SI: variants seen among roughly 807,000 people sequenced by gnomAD.
The protein encoded by SI is sucrase-isomaltase, intestinal.
SI carries 235 observed loss-of-function variants against 253.3 expected under a neutral mutation model. The observed-to-expected ratio is 0.93, with a 90% confidence interval of 0.83 to 1.03. The LOEUF is 1.03. Ranked by LOEUF, SI falls within the 50% of genes least tolerant of loss-of-function variation. The pLI, the probability that SI is intolerant of heterozygous loss-of-function variation, is 0.00. For synonymous variants in SI, 819 were observed against 712.0 expected (o/e 1.15, Z -2.39); for missense variants, 2,442 against 2,211.1 (o/e 1.10, Z -2.09).
At chr3:165,068,499 G>T (rs1283027488) in intron 5 of SI, among the ~76,000 whole-genome samples, 3 of 151,994 alleles carry the variant, frequency 2.0e-5, no homozygotes, top group African/African-American at 7.3e-5. Context: ...TCAGCCTCCC[G>T]AGTAGCTGGG....
At chr3:165,053,365 A>G (rs1713528072) in intron 13 of SI, among the ~76,000 whole-genome samples, 2 of 152,160 alleles carry the variant, frequency 1.3e-5, no homozygotes, top group Non-Finnish European at 2.9e-5. Flanking sequence ...AAATATTAAA[A>G]CTTTATCAGT....
intron 13 of SI, among the ~76,000 whole-genome samples, chr3:165,054,095 A>G (rs1448048008): frequency 6.6e-6 from 1 of 152,150 alleles, no homozygotes; most frequent in Non-Finnish European, 1.5e-5. Flanking sequence ...CATGTCTGAT[A>G]GATACATGGT....
chr3:165,023,571 T>A lies in SI; in HGVS notation c.3098A>T (p.Lys1033Met). 1 of 1,608,024 alleles carries A rather than the reference T, an allele frequency of 6.2e-7. No homozygotes were observed. Among genetic ancestry groups the A allele is most frequent in the Non-Finnish European group, 8.5e-7 (1 of 1,175,428 alleles). ...KYHKNDMLQF[K>M]IYDPQKKRYE... Reference sequence around the variant, plus strand: ...TGGGGTAGTTTATATCAAGCATACCTTAAACTGCAACATATCATTTTTGTG... The same window carrying A: ...TGGGGTAGTTTATATCAAGCATACCATAAACTGCAACATATCATTTTTGTG... Residue 1033 changes from lysine to methionine, a missense_variant and splice_region_variant, in exon 26 of 48, where the codon AAG becomes ATG. Transcript: ENST00000264382.
At chr3:165,063,599 T>C in intron 7 of SI, 58 bp from the exon 8 acceptor site, 1 of 743,396 alleles carries the variant, frequency 1.3e-6, no homozygotes, top group South Asian at 1.6e-5. Context: ...ACAAAAAGAT[T>C]ATATATTTTA....
chr3:165,060,948 A>G (rs1713956095), intron 9 of SI, among the ~76,000 whole-genome samples: 2 of 150,082 alleles, frequency 1.3e-5, no homozygotes, highest in Non-Finnish European at 3.0e-5. Context: ...AAAGAAATTA[A>G]TTACTCATGT....
chr3:164,984,150 G>A (rs1015505561), intron 45 of SI, among the ~76,000 whole-genome samples: 4 of 152,044 alleles, frequency 2.6e-5, no homozygotes, highest in Non-Finnish European at 5.9e-5. Context: ...TTCTAAGATT[G>A]TGTTTTTATG....
intron 13 of SI, among the ~76,000 whole-genome samples, chr3:165,052,318 C>T (rs1713473245): frequency 6.6e-6 from 1 of 152,064 alleles, no homozygotes; most frequent in Admixed American, 6.6e-5. Flanking sequence ...ACATTGTAGT[C>T]ATGAGGCAAA....
chr3:164,983,290 A>G (rs752070241), intron 45 of SI, among the ~76,000 whole-genome samples: 5 of 152,150 alleles, frequency 3.3e-5, no homozygotes, highest in Admixed American at 6.6e-5. Flanking sequence ...ATGTGTGTGT[A>G]GGGGTAATGA....
intron 36 of SI, 82 bp downstream of exon 36, chr3:165,007,829 G>T: frequency 2.0e-6 from 1 of 489,634 alleles, no homozygotes; most frequent in Non-Finnish European, 3.7e-6. Flanking sequence ...ATAGCTAACT[G>T]ATATATATCA....
chr3:165,020,890 TA>T (rs1341314845), intron 27 of SI, among the ~76,000 whole-genome samples: 1 of 151,696 alleles, frequency 6.6e-6, no homozygotes, highest in Non-Finnish European at 1.5e-5. Context: ...ATAAAATATT[TA>T]CTTCACTTGT....
chr3:165,019,502 G>T (rs1559992140), intron 28 of SI, 100 bp downstream of exon 28: 1 of 1,111,426 alleles, frequency 9.0e-7, no homozygotes, highest in Non-Finnish European at 1.4e-6. Context: ...TAATGCCTTT[G>T]TCATTACTTC....
chr3:165,011,185 A>T (rs1718752484), intron 34 of SI, among the ~76,000 whole-genome samples: 1 of 151,322 alleles, frequency 6.6e-6, no homozygotes. Context: ...TTTCTAATTC[A>T]TTGAGAGGTA....
intron 33 of SI, 122 bp from the exon 34 acceptor site, chr3:165,013,164 A>C (rs1718849662): frequency 9.4e-6 from 7 of 741,664 alleles, no homozygotes; most frequent in African/African-American, 1.7e-5. Context: ...TCAGATCTGC[A>C]ATCCCTTCAA....
intron 12 of SI, among the ~76,000 whole-genome samples, chr3:165,057,866 A>G (rs989020090): frequency 1.3e-5 from 2 of 152,064 alleles, no homozygotes; most frequent in African/African-American, 4.8e-5. Flanking sequence ...ACAGCATTGT[A>G]CAGATCATCC....
intron 47 of SI, among the ~76,000 whole-genome samples, chr3:164,980,890 T>C (rs576967892): frequency 1.7e-4 from 26 of 152,160 alleles, no homozygotes; most frequent in African/African-American, 5.8e-4. Context: ...AAAGGTAAGA[T>C]ATTATCTAAG....
chr3:165,015,056 T>C (rs1272422274), intron 33 of SI, 67 bp downstream of exon 33: 1 of 1,238,576 alleles, frequency 8.1e-7, no homozygotes, highest in South Asian at 1.2e-5. Flanking sequence ...CTTTTACTAA[T>C]TAAATGGAAA....
Position 165,014,766 on chromosome 3 carries a change from G to T in SI, c.3999+357C>A, listed in dbSNP as rs1056137183. On this transcript the variant is annotated intron_variant, in intron 33 of 47. Coordinates refer to ENST00000264382, the MANE Select transcript of SI (RefSeq NM_001041.4). ...AGTATAGCTGTCAAAACATGTTGTT[G>T]CTACTATTAACATATGTTTTCAAGA... 2.0e-5 allele frequency among the ~76,000 whole-genome samples: 3 copies of T among 151,944 alleles called. No homozygotes were observed. In the East Asian group the frequency reaches 5.8e-4, roughly 29 times the overall value.
chr3:165,039,863 G>C, intron 19 of SI, 24 bp downstream of exon 19: 1 of 1,503,070 alleles, frequency 6.7e-7, no homozygotes, highest in Non-Finnish European at 9.3e-7. Context: ...CAAACAATAA[G>C]GTTATTAAAC....
intron 39 of SI, 22 bp downstream of exon 39, chr3:164,996,711 GAAGAT>G: frequency 8.1e-7 from 1 of 1,234,628 alleles, no homozygotes; most frequent in East Asian, 2.5e-5. Context: ...TATAATTTAT[GAAGAT>G]AAAAGGAATA....
Sources: allele counts gnomAD v4.1 joint callset (sites outside exome capture counted in the v4.1 genomes callset), GRCh38; gene constraint gnomAD v4.1.1; transcripts MANE v1.5; gene names NCBI Gene and HGNC (gene_info 2026-07-23, HGNC 2026-07-21).